ANKMY1: variants seen among roughly 807,000 people sequenced by gnomAD.
The protein encoded by ANKMY1 is ankyrin repeat and MYND domain-containing protein 1.
Under a neutral mutation model 102.0 loss-of-function variants are expected in ANKMY1, and 98 were observed. The ratio of observed to expected loss-of-function variants is 0.96; its 90% CI spans 0.82 to 1.14. The LOEUF (loss-of-function observed/expected upper bound fraction) is 1.14, where lower values mean the gene tolerates loss of function less well. Ranked by LOEUF, ANKMY1 falls within the 50% of genes most tolerant of loss-of-function variation. The probability of loss-of-function intolerance (pLI) is 0.00; values close to 1 mark genes in which losing one functional copy is unlikely to be tolerated. For missense variants in ANKMY1, 1,330 were observed against 1,347.6 expected (o/e 0.99, Z 0.20); for synonymous variants, 582 against 559.9 (o/e 1.04, Z -0.56).
chr2:240,481,123 G>A, intron 16 of ANKMY1, 26 bp from the exon 17 acceptor site: 1 of 1,598,108 alleles, frequency 6.3e-7, no homozygotes, highest in South Asian at 1.1e-5. Flanking sequence ...ACCGTCAGCA[G>A]GCGGCCACTC....
At chr2:240,522,865 G>T (rs575944549) in intron 8 of ANKMY1, 2 of 152,360 alleles carry the variant, frequency 1.3e-5, no homozygotes, top group East Asian at 3.9e-4. Context: ...GGTGGTGGTG[G>T]CAAGTGTCCA....
At chr2:240,515,319 T>G (rs760922677) in intron 9 of ANKMY1, among the ~76,000 whole-genome samples, 2 of 152,056 alleles carry the variant, frequency 1.3e-5, no homozygotes, top group Admixed American at 6.5e-5. Context: ...GGCGGATCAC[T>G]AGGTCAGGAG....
rs2084782619 is a variant in ANKMY1, at chr2:240,529,489, C to G, written c.501G>C (p.Gln167His). The G allele has an allele frequency of 6.2e-7, 1 of 1,613,394 alleles. No homozygotes were observed. Among genetic ancestry groups the G allele is most frequent in the Non-Finnish European group, 8.5e-7 (1 of 1,179,764 alleles). ...RLFQGLYKADQRFGPGVETYP... is the reference protein window; with the variant it reads ...RLFQGLYKADHRFGPGVETYP... Reference sequence around the variant, plus strand: ...AGGTCTCGACACCTGGCCCAAACCGCTGGTCCGCTTTGTATAGCCCCTGCC... The same window carrying G: ...AGGTCTCGACACCTGGCCCAAACCGGTGGTCCGCTTTGTATAGCCCCTGCC... Residue 167 changes from glutamine (Q) to histidine (H), a missense_variant, in exon 5 of 18, where the codon CAG becomes CAC. Coordinates refer to ENST00000401804, the MANE Select transcript of ANKMY1 (RefSeq NM_001282771.3). This position sits in a 1 kb window ranked among gnomAD's most constrained non-coding sequence, Gnocchi z 4.2.
At chr2:240,501,443 G>A (rs1030827463) in intron 13 of ANKMY1, among the ~76,000 whole-genome samples, 18 of 152,208 alleles carry the variant, frequency 1.2e-4, no homozygotes, top group African/African-American at 4.3e-4. Context: ...CCTGACATGG[G>A]AGGAGGCAAG....
intron 4 of ANKMY1, among the ~76,000 whole-genome samples, chr2:240,536,585 T>C (rs1336851455): frequency 6.6e-6 from 1 of 152,070 alleles, no homozygotes; most frequent in Admixed American, 6.6e-5. Context: ...TTCAAACCCT[T>C]GAAGCAACAG....
At chr2:240,503,632 C>A (rs926339377) in intron 13 of ANKMY1, among the ~76,000 whole-genome samples, 1 of 152,186 alleles carries the variant, frequency 6.6e-6, no homozygotes, top group South Asian at 2.1e-4. Context: ...CCACCTCAGG[C>A]CTGTGCATCC....
chr2:240,524,474 T>G (rs1180314949), intron 7 of ANKMY1, 93 bp from the exon 8 acceptor site: 1 of 1,406,384 alleles, frequency 7.1e-7, no homozygotes, highest in Non-Finnish European at 9.6e-7. Context: ...GCCCGTGGCC[T>G]AGAGCTGTCT....
the ANKMY1 span, among the ~76,000 whole-genome samples, chr2:240,468,938 G>A: frequency 8.5e-5 from 13 of 152,178 alleles, no homozygotes; most frequent in Non-Finnish European, 1.3e-4. Context: ...TGGTAGCCAC[G>A]GTCCTCACTT....
At chr2:240,505,118 A>G (rs2078843950) in intron 13 of ANKMY1, among the ~76,000 whole-genome samples, 1 of 152,114 alleles carries the variant, frequency 6.6e-6, no homozygotes, top group Non-Finnish European at 1.5e-5. Context: ...TGTTGGTGAG[A>G]ACATGAAACA....
At chr2:240,472,940 C>T in the ANKMY1 span, among the ~76,000 whole-genome samples, 1 of 152,052 alleles carries the variant, frequency 6.6e-6, no homozygotes, top group Non-Finnish European at 1.5e-5. Flanking sequence ...GCCTGGCCAA[C>T]ACGGTGAAAC....
chr2:240,481,517 C>T (rs2075388115), intron 16 of ANKMY1, among the ~76,000 whole-genome samples: 1 of 152,056 alleles, frequency 6.6e-6, no homozygotes, highest in Admixed American at 6.5e-5. Flanking sequence ...TGGGGTGAAA[C>T]TCTAAGCACC....
chr2:240,535,732 T>C (rs1462916074), intron 4 of ANKMY1, among the ~76,000 whole-genome samples: 1 of 152,116 alleles, frequency 6.6e-6, no homozygotes, highest in African/African-American at 2.4e-5. Context: ...CTAGACCCCT[T>C]AGGTAGGAAT....
At position 240,529,058 on chromosome 2, in the gene ANKMY1, T is replaced by C. The variant is rs1018199013; in HGVS notation, c.932A>G (p.Gln311Arg). ...INETPLLVKI[Q>R]KQTYKFRNKP... is the part of the protein sequence containing the mutation. Reference sequence around the variant, plus strand: ...TCACCTGAACTTGTAAGTTTGCTTCTGGATTTTGACCAACAAAGGGGTCTC... The same window carrying C: ...TCACCTGAACTTGTAAGTTTGCTTCCGGATTTTGACCAACAAAGGGGTCTC... Residue 311 changes from glutamine (Q) to arginine (R), a missense_variant, in exon 5 of 18, where the codon CAG becomes CGG. Gln to Arg is a conservative substitution (Grantham distance 43). Coordinates refer to ENST00000401804, the MANE Select transcript of ANKMY1 (RefSeq NM_001282771.3). This position sits in a 1 kb window ranked among gnomAD's most constrained non-coding sequence, Gnocchi z 4.2. 8 of 1,614,154 alleles carry C rather than the reference T, an allele frequency of 5.0e-6. No homozygotes were observed. The East Asian group carries it at 1.6e-4, about 31-fold the overall frequency.
At chr2:240,491,854 T>C (rs1574916038) in intron 15 of ANKMY1, among the ~76,000 whole-genome samples, 2 of 152,360 alleles carry the variant, frequency 1.3e-5, no homozygotes, top group African/African-American at 4.8e-5. Context: ...TCTTTGACTT[T>C]AGACAGTCTG....
intron 13 of ANKMY1, among the ~76,000 whole-genome samples, chr2:240,504,937 A>G (rs1432561434): frequency 6.6e-6 from 1 of 152,208 alleles, no homozygotes. Flanking sequence ...CAGTGAGCAG[A>G]GATCACATCA....
intron 4 of ANKMY1, among the ~76,000 whole-genome samples, chr2:240,542,042 T>C (rs1217528721): frequency 6.6e-6 from 1 of 151,586 alleles, no homozygotes; most frequent in Non-Finnish European, 1.5e-5. Context: ...AAACCCCAAC[T>C]ACTAAAAATA....
intron 15 of ANKMY1, among the ~76,000 whole-genome samples, chr2:240,489,401 G>T (rs1373086030): frequency 6.6e-6 from 1 of 151,672 alleles, no homozygotes; most frequent in Non-Finnish European, 1.5e-5. Flanking sequence ...AGGTTGTAGT[G>T]AGCTGAGATT....
At chr2:240,559,379 TCTG>T (rs1001213276), upstream of ANKMY1, among the ~76,000 whole-genome samples, 1 of 152,208 alleles carries the variant, frequency 6.6e-6, no homozygotes, top group African/African-American at 2.4e-5. Flanking sequence ...TCCCATCTCC[TCTG>T]CTTTCACCCA....
intron 4 of ANKMY1, among the ~76,000 whole-genome samples, chr2:240,546,999 C>A (rs1435112825): frequency 1.3e-5 from 2 of 152,136 alleles, no homozygotes; most frequent in Non-Finnish European, 1.5e-5. Flanking sequence ...CTCAGCTCTG[C>A]ACCAAGCAGA....
Sources: gnomAD v4.1 joint callset for allele counts (sites outside exome capture counted in the v4.1 genomes callset) on GRCh38, gnomAD v4.1.1 for gene constraint, Gnocchi (gnomAD v3.1) non-coding constraint, MANE v1.5 for transcripts, NCBI Gene and HGNC (gene_info 2026-07-23, HGNC 2026-07-21) for gene names.